Variants in NDST4 observed in about 807,000 individuals in gnomAD.
The protein encoded by NDST4 is N-deacetylase and N-sulfotransferase 4.
A neutral mutation model predicts 100.8 loss-of-function variants in NDST4; 63 were observed. The observed-to-expected ratio is 0.62, with a 90% confidence interval of 0.51 to 0.77. NDST4 has a LOEUF of 0.77. Among genes scored for constraint, NDST4 ranks in the 30% least tolerant of loss-of-function variants. NDST4 has a pLI of 0.00. For missense variants in NDST4, 943 were observed against 1,018.4 expected (o/e 0.93, Z 1.01); for synonymous variants, 377 against 361.8 (o/e 1.04, Z -0.48).
intron 2 of NDST4, among the ~76,000 whole-genome samples, chr4:115,014,517 C>T (rs1350190377): frequency 6.6e-6 from 1 of 152,064 alleles, no homozygotes; most frequent in Non-Finnish European, 1.5e-5. Context: ...ATGTGTGTTA[C>T]TCCAGCACAT....
At chr4:114,841,631 G>GA (rs1266490832) in intron 10 of NDST4, among the ~76,000 whole-genome samples, 1 of 152,152 alleles carries the variant, frequency 6.6e-6, no homozygotes, top group Non-Finnish European at 1.5e-5. Context: ...TTCTGCTAGG[G>GA]AAATGTTTAA....
chr4:115,005,446 T>G (rs1456245808), intron 2 of NDST4, among the ~76,000 whole-genome samples: 1 of 151,976 alleles, frequency 6.6e-6, no homozygotes, highest in Non-Finnish European at 1.5e-5. Flanking sequence ...ATGGCAGAAG[T>G]GGCAAGCAAC....
intron 6 of NDST4, among the ~76,000 whole-genome samples, chr4:114,891,291 A>G (rs773589743): frequency 2.6e-5 from 4 of 152,020 alleles, no homozygotes; most frequent in Non-Finnish European, 5.9e-5. Flanking sequence ...TAAAGGTCTT[A>G]GCTTCCATTC....
chr4:115,085,598 C>CA (rs1212857511), intron 1 of NDST4, among the ~76,000 whole-genome samples: 1 of 152,112 alleles, frequency 6.6e-6, no homozygotes, highest in East Asian at 1.9e-4. Context: ...TGAGTTCTCA[C>CA]AAAATCTGAC....
chr4:115,079,238 G>C (rs1729252916), intron 1 of NDST4, among the ~76,000 whole-genome samples: 1 of 151,630 alleles, frequency 6.6e-6, no homozygotes, highest in African/African-American at 2.4e-5. Context: ...TGTAGTCCCA[G>C]CTACTCAAGA....
At chr4:115,001,433 G>A (rs1269385424) in intron 2 of NDST4, among the ~76,000 whole-genome samples, 1 of 151,836 alleles carries the variant, frequency 6.6e-6, no homozygotes, top group East Asian at 1.9e-4. Flanking sequence ...GACTATCAGA[G>A]CTTGTTCTGC....
chr4:114,925,591 G>A (rs1372715916), intron 6 of NDST4, among the ~76,000 whole-genome samples: 10 of 152,094 alleles, frequency 6.6e-5, no homozygotes, highest in African/African-American at 1.7e-4. Context: ...GACAGCACAC[G>A]GAGAAGTTTA....
intron 7 of NDST4, among the ~76,000 whole-genome samples, chr4:114,860,547 C>T (rs1028475218): frequency 1.2e-4 from 18 of 152,098 alleles, no homozygotes; most frequent in African/African-American, 4.1e-4. Context: ...TTACCACCAG[C>T]TGTAAAATGG....
In NDST4 at chr4:114,926,562, A is replaced by G. The variant is rs1454194834; in HGVS notation, c.1536+8644T>C. 3.3e-5 allele frequency among the ~76,000 whole-genome samples: 5 copies of G among 152,094 alleles called. 1 individual carries two copies. The highest frequency in any genetic ancestry group is 6.6e-5 in the Admixed American group (1 of 15,266). ...CAGTGAGAGTCAAAATTAAAAAAAA[A>G]ACTGTTGAAAATGCAGAAAGAAAAA... On this transcript the variant is annotated intron_variant, in intron 6 of 13. Coordinates refer to ENST00000264363, the MANE Select transcript of NDST4 (RefSeq NM_022569.3).
chr4:115,004,801 G>A (rs1433023592), intron 2 of NDST4, among the ~76,000 whole-genome samples: 1 of 152,040 alleles, frequency 6.6e-6, no homozygotes, highest in Non-Finnish European at 1.5e-5. Flanking sequence ...AAGTTCCCAG[G>A]GTTTTTCCTA....
intron 6 of NDST4, among the ~76,000 whole-genome samples, chr4:114,881,704 T>C (rs933583007): frequency 6.6e-6 from 1 of 152,048 alleles, no homozygotes; most frequent in Non-Finnish European, 1.5e-5. Context: ...GCCAAATAAA[T>C]AGAATGAAAG....
At chr4:114,864,959 G>A (rs1392144571) in intron 7 of NDST4, among the ~76,000 whole-genome samples, 2 of 152,030 alleles carry the variant, frequency 1.3e-5, no homozygotes, top group Non-Finnish European at 2.9e-5. Context: ...TTATACTCAT[G>A]TTTATTTAAG....
At chr4:115,033,029 TCTGATTA>T (rs1235371667) in intron 2 of NDST4, among the ~76,000 whole-genome samples, 2 of 151,138 alleles carry the variant, frequency 1.3e-5, no homozygotes, top group African/African-American at 4.8e-5. Context: ...TTTATTTTTG[TCTGATTA>T]CTTTGTCAAT....
intron 6 of NDST4, among the ~76,000 whole-genome samples, chr4:114,906,933 T>G (rs1724962375): frequency 6.6e-6 from 1 of 152,070 alleles, no homozygotes; most frequent in African/African-American, 2.4e-5. Context: ...ATAAAAGCAA[T>G]AACTCTATGT....
At chr4:115,105,408 T>A (rs1357178152) in intron 1 of NDST4, among the ~76,000 whole-genome samples, 2 of 152,144 alleles carry the variant, frequency 1.3e-5, no homozygotes, top group Non-Finnish European at 2.9e-5. Flanking sequence ...AAATGGTACA[T>A]CTTATAAATA....
chr4:115,043,794 T>A (rs1728403658), intron 2 of NDST4, among the ~76,000 whole-genome samples: 1 of 152,108 alleles, frequency 6.6e-6, no homozygotes, highest in African/African-American at 2.4e-5. Flanking sequence ...ACATTAAATG[T>A]TGAATAAATG....
chr4:114,995,310 ATAT>A (rs1161633774), intron 2 of NDST4, among the ~76,000 whole-genome samples: 1 of 152,074 alleles, frequency 6.6e-6, no homozygotes, highest in African/African-American at 2.4e-5. Flanking sequence ...CAGGCTGATA[ATAT>A]TCTTATTTGA....
At chr4:115,061,626 G>A (rs560956936) in intron 2 of NDST4, among the ~76,000 whole-genome samples, 2 of 151,730 alleles carry the variant, frequency 1.3e-5, no homozygotes, top group African/African-American at 2.4e-5. Context: ...TCTGTCGGGG[G>A]TGAGGGGCAA....
rs1723521102 is a variant in NDST4, at chr4:114,845,332, C to T, written c.2115+491G>A. Among the ~76,000 whole-genome samples the T allele has an allele frequency of 3.9e-5, 6 of 152,074 alleles. No individual in the cohort carries two copies. In the South Asian group the frequency reaches 1.2e-3, roughly 32 times the overall value. ...GGGTAATAGAGTGAGACCTGGTCTC[C>T]AATTGGGTTGATTATTTTCACATAA... On this transcript the variant is annotated intron_variant, in intron 10 of 13. Coordinates refer to ENST00000264363, the MANE Select transcript of NDST4 (RefSeq NM_022569.3).
Sources: gnomAD v4.1 joint callset for allele counts (sites outside exome capture counted in the v4.1 genomes callset) on GRCh38, gnomAD v4.1.1 for gene constraint, MANE v1.5 for transcripts, NCBI Gene and HGNC (gene_info 2026-07-23, HGNC 2026-07-21) for gene names.